Variants in RAD23B observed in about 807,000 individuals in gnomAD.
RAD23B encodes the protein RAD23 nucleotide excision repair protein B.
RAD23B carries 5 observed loss-of-function variants against 49.1 expected under a neutral mutation model. The ratio of observed to expected loss-of-function variants is 0.10; its 90% CI spans 0.05 to 0.21. The LOEUF is 0.21. RAD23B is among the 10% of genes least tolerant of loss of function. RAD23B has a pLI of 1.00. For missense variants in RAD23B, 356 were observed against 486.7 expected (o/e 0.73, Z 2.53); for synonymous variants, 184 against 165.4 (o/e 1.11, Z -0.86).
intron 1 of RAD23B, among the ~76,000 whole-genome samples, chr9:107,297,896 C>G (rs1826561948): frequency 6.6e-6 from 1 of 151,966 alleles, no homozygotes; most frequent in Admixed American, 6.6e-5. Context: ...TGTTTATTTT[C>G]TTTTATTTGT....
chr9:107,316,008 T>C (rs545471187), intron 5 of RAD23B, among the ~76,000 whole-genome samples: 2 of 152,100 alleles, frequency 1.3e-5, no homozygotes, highest in East Asian at 3.9e-4. Context: ...ACTTAATACT[T>C]TTACGAATTT....
intron 7 of RAD23B, 44 bp from the exon 8 acceptor site, chr9:107,323,846 A>C: frequency 6.5e-7 from 1 of 1,528,776 alleles, no homozygotes; most frequent in Admixed American, 1.7e-5. Flanking sequence ...CTGTTTGTGT[A>C]TGTATTTACT....
At chr9:107,302,640 G>GTT (rs34926107) in intron 3 of RAD23B, among the ~76,000 whole-genome samples, 4 of 149,032 alleles carry the variant, frequency 2.7e-5, no homozygotes, top group African/African-American at 4.9e-5. Flanking sequence ...TTATGAGGAA[G>GTT]TTTTTTTTGT....
chr9:107,284,857 T>G, intron 1 of RAD23B: 16 of 1,243,008 alleles, frequency 1.3e-5, no homozygotes, highest in Non-Finnish European at 1.7e-5. Flanking sequence ...TACGGTTAGT[T>G]TCATTCTCTG....
At chr9:107,295,837 A>G (rs1211862928) in intron 1 of RAD23B, among the ~76,000 whole-genome samples, 1 of 152,250 alleles carries the variant, frequency 6.6e-6, no homozygotes, top group East Asian at 1.9e-4. Context: ...TTGAGTACTG[A>G]CAAATAAATG....
intron 1 of RAD23B, among the ~76,000 whole-genome samples, chr9:107,296,556 G>GTCTC (rs539356323): frequency 5.3e-4 from 80 of 150,550 alleles, no homozygotes; most frequent in African/African-American, 1.9e-3. Flanking sequence ...TTTGTGCCTT[G>GTCTC]TCTCTCTCTC....
At chr9:107,291,510 T>C (rs367957238) in intron 1 of RAD23B, among the ~76,000 whole-genome samples, 2 of 152,228 alleles carry the variant, frequency 1.3e-5, no homozygotes, top group East Asian at 1.9e-4. Context: ...ATTAATGTTA[T>C]GCTATCAGTT....
At chr9:107,319,128 C>CTTTTTT (rs56891354) in intron 6 of RAD23B, among the ~76,000 whole-genome samples, 2,966 of 97,528 alleles carry the variant, frequency 0.03, 334 homozygotes, top group African/African-American at 0.096. Context: ...TTTCTTTTTT[C>CTTTTTT]TTTTTTTTTT....
intron 9 of RAD23B, among the ~76,000 whole-genome samples, chr9:107,326,374 G>A (rs1055352294): frequency 1.5e-4 from 23 of 151,390 alleles, no homozygotes; most frequent in Admixed American, 2.6e-4. Context: ...CCAGCTACTC[G>A]GGAGACTGAG....
chr9:107,286,485 C>T (rs1484308287), intron 1 of RAD23B, among the ~76,000 whole-genome samples: 2 of 152,184 alleles, frequency 1.3e-5, no homozygotes, highest in Non-Finnish European at 2.9e-5. Flanking sequence ...GTACCATTTA[C>T]TTGACTATTA....
At chr9:107,295,099 C>T (rs11573643) in intron 1 of RAD23B, among the ~76,000 whole-genome samples, 1,999 of 151,846 alleles carry the variant, frequency 0.013, 28 homozygotes, top group Non-Finnish European at 0.022. Context: ...GGGGGGACTA[C>T]CAGAGAAAAT....
Position 107,331,505 on chromosome 9 carries a change from T to C in RAD23B, c.*1849T>C. On this transcript the variant is annotated 3_prime_UTR_variant, in exon 10 of 10. Transcript: ENST00000358015. The stretch of plus-strand genomic sequence containing the variant: ...AGGCTTTTGGACTTTGTATTACCTG[T>C]ATGTTTTATAATGGATCATGCATAA... The C allele has an allele frequency of 3.4e-6, 2 of 582,440 alleles. No homozygotes were observed. Among genetic ancestry groups the C allele is most frequent in the South Asian group, 2.3e-5 (1 of 43,848 alleles). The allele number at this position is 582,440 out of a possible 1,614,324, so 36.1% of individuals were successfully genotyped here.
chr9:107,320,963 T>C (rs898822945), intron 6 of RAD23B, among the ~76,000 whole-genome samples: 2 of 152,210 alleles, frequency 1.3e-5, no homozygotes, highest in Non-Finnish European at 2.9e-5. Context: ...TTTATCATCT[T>C]ATTCAATTGT....
intron 4 of RAD23B, among the ~76,000 whole-genome samples, chr9:107,310,932 G>A (rs569491017): frequency 6.6e-6 from 1 of 152,284 alleles, no homozygotes; most frequent in Admixed American, 6.5e-5. Context: ...TAATGTGTGT[G>A]TTGTTTTTAA....
chr9:107,315,234 C>T (rs1826967050), intron 5 of RAD23B, among the ~76,000 whole-genome samples: 1 of 152,094 alleles, frequency 6.6e-6, no homozygotes, highest in Admixed American at 6.5e-5. Context: ...ATAGGGTGTC[C>T]TTTCCCCGGT....
chr9:107,324,507 A>G (rs1224899666), intron 8 of RAD23B, among the ~76,000 whole-genome samples: 2 of 152,218 alleles, frequency 1.3e-5, no homozygotes, highest in Non-Finnish European at 2.9e-5. Context: ...GGTAAAAAAT[A>G]CATGCAAGTA....
intron 3 of RAD23B, among the ~76,000 whole-genome samples, chr9:107,302,662 T>G (rs1407019594): frequency 2.0e-5 from 3 of 149,988 alleles, no homozygotes; most frequent in African/African-American, 7.3e-5. Flanking sequence ...TTTGTTTTGT[T>G]TTTTTTTTTT....
chr9:107,314,996 GT>G (rs1282215891), intron 5 of RAD23B, among the ~76,000 whole-genome samples: 2 of 152,010 alleles, frequency 1.3e-5, no homozygotes, highest in Non-Finnish European at 2.9e-5. Flanking sequence ...GGGGTTATTT[GT>G]TTTTTTCTTG....
chr9:107,323,218 A>AT (rs1170266327), intron 7 of RAD23B, among the ~76,000 whole-genome samples: 5 of 152,184 alleles, frequency 3.3e-5, no homozygotes, highest in Non-Finnish European at 7.4e-5. Context: ...AACATTTATT[A>AT]TTGTGAATGG....
Sources: allele counts gnomAD v4.1 joint callset (sites outside exome capture counted in the v4.1 genomes callset), GRCh38; gene constraint gnomAD v4.1.1; transcripts MANE v1.5; gene names NCBI Gene and HGNC (gene_info 2026-07-23, HGNC 2026-07-21).